Variants in GPATCH2 observed in about 807,000 individuals in gnomAD.
GPATCH2 encodes G patch domain-containing protein 2.
GPATCH2 carries 51 observed loss-of-function variants against 58.0 expected under a neutral mutation model. The observed-to-expected ratio is 0.88, with a 90% confidence interval of 0.70 to 1.11. GPATCH2 has a LOEUF of 1.11. GPATCH2 is among the 50% of genes most tolerant of loss of function. GPATCH2 has a pLI of 0.00. For synonymous variants in GPATCH2, 222 were observed against 218.5 expected (o/e 1.02, Z -0.14); for missense variants, 625 against 652.2 (o/e 0.96, Z 0.45).
intron 3 of GPATCH2, among the ~76,000 whole-genome samples, chr1:217,612,165 G>T (rs1278320043): frequency 3.3e-5 from 5 of 151,764 alleles, no homozygotes; most frequent in Admixed American, 2.6e-4. Flanking sequence ...TGGACCACAG[G>T]GCGAGACCTT....
intron 8 of GPATCH2, among the ~76,000 whole-genome samples, chr1:217,453,670 C>A (rs1303480022): frequency 6.6e-6 from 1 of 152,022 alleles, no homozygotes; most frequent in Non-Finnish European, 1.5e-5. Flanking sequence ...AAAACAACAA[C>A]CCAATAAACT....
At chr1:217,601,498 C>T (rs1164139572) in intron 5 of GPATCH2, among the ~76,000 whole-genome samples, 19 of 151,444 alleles carry the variant, frequency 1.3e-4, no homozygotes, top group African/African-American at 3.9e-4. Flanking sequence ...TTTTGCTATT[C>T]GCAGGCCTAT....
chr1:217,541,408 A>C (rs1664734400), intron 5 of GPATCH2, among the ~76,000 whole-genome samples: 1 of 152,242 alleles, frequency 6.6e-6, no homozygotes, highest in Non-Finnish European at 1.5e-5. Context: ...TCCTAAGAAA[A>C]ATCAGCAATG....
chr1:217,485,639 A>T (rs1661421326), intron 8 of GPATCH2, among the ~76,000 whole-genome samples: 1 of 152,112 alleles, frequency 6.6e-6, no homozygotes, highest in African/African-American at 2.4e-5. Context: ...ATCTTCATAT[A>T]AATGTAGTCA....
At position 217,611,039 on chromosome 1, in the gene GPATCH2, T is replaced by C; in HGVS notation, c.868A>G (p.Lys290Glu). The C allele has an allele frequency of 6.2e-7, 1 of 1,613,596 alleles. No individual in the cohort carries two copies. The highest frequency in any genetic ancestry group is 8.5e-7 in the Non-Finnish European group (1 of 1,179,774). ...DDEQSDWFYE[K>E]ESGGACGITG... ...ATACCACATGCTCCACCTGATTCCTTTTCGTAGAACCAGTCACTCTGTTCA... is the reference window on the plus strand; with the variant it reads ...ATACCACATGCTCCACCTGATTCCTCTTCGTAGAACCAGTCACTCTGTTCA... Residue 290 changes from lysine to glutamate, a missense_variant, in exon 4 of 10, where the codon AAG (lysine) becomes GAG (glutamate). Coordinates refer to ENST00000366935, the MANE Select transcript of GPATCH2 (RefSeq NM_018040.5).
At chr1:217,466,746 C>T (rs116835082) in intron 8 of GPATCH2, among the ~76,000 whole-genome samples, 2,727 of 151,960 alleles carry the variant, frequency 0.018, 86 homozygotes, top group African/African-American at 0.061. Context: ...AAAAAGCCTT[C>T]TTCAAAGTCC....
intron 5 of GPATCH2, among the ~76,000 whole-genome samples, chr1:217,568,051 A>G (rs1666342312): frequency 6.6e-6 from 1 of 152,184 alleles, no homozygotes; most frequent in Non-Finnish European, 1.5e-5. Context: ...CAGGAGGCGG[A>G]GCTTGCAGTG....
chr1:217,553,771 G>T (rs1429089742), intron 5 of GPATCH2, among the ~76,000 whole-genome samples: 1 of 152,112 alleles, frequency 6.6e-6, no homozygotes, highest in Non-Finnish European at 1.5e-5. Flanking sequence ...GAAATCATTT[G>T]TCAACAATGG....
chr1:217,603,361 A>T (rs968521744), intron 5 of GPATCH2, among the ~76,000 whole-genome samples: 1 of 152,206 alleles, frequency 6.6e-6, no homozygotes, highest in Non-Finnish European at 1.5e-5. Context: ...TCAAGACTAA[A>T]TATGGAGAAT....
intron 6 of GPATCH2, among the ~76,000 whole-genome samples, chr1:217,505,605 C>T (rs1458780083): frequency 6.6e-6 from 1 of 152,020 alleles, no homozygotes; most frequent in Non-Finnish European, 1.5e-5. Context: ...TAACTGAGGT[C>T]TCCTAAAAAT....
chr1:217,584,330 T>TAAAAA (rs1168175978), intron 5 of GPATCH2, among the ~76,000 whole-genome samples: 60 of 89,664 alleles, frequency 6.7e-4, no homozygotes, highest in African/African-American at 2.1e-3. Flanking sequence ...TCACCTCTAC[T>TAAAAA]AAAAAAAAAA....
intron 5 of GPATCH2, among the ~76,000 whole-genome samples, chr1:217,535,752 T>G (rs928081092): frequency 6.6e-6 from 1 of 151,780 alleles, no homozygotes. Flanking sequence ...GTTGAATGAA[T>G]AGACAACTGA....
intron 5 of GPATCH2, among the ~76,000 whole-genome samples, chr1:217,541,086 T>A (rs989876189): frequency 6.6e-6 from 1 of 152,196 alleles, no homozygotes; most frequent in African/African-American, 2.4e-5. Context: ...AATATATTCA[T>A]CTATAGCTTC....
At chr1:217,509,658 T>C (rs1370889344) in intron 6 of GPATCH2, among the ~76,000 whole-genome samples, 1 of 152,170 alleles carries the variant, frequency 6.6e-6, no homozygotes, top group Non-Finnish European at 1.5e-5. Flanking sequence ...AAGTATTCAG[T>C]TGGTGCCTTC....
chr1:217,593,559 T>C (rs765935247), intron 5 of GPATCH2, among the ~76,000 whole-genome samples: 1 of 152,098 alleles, frequency 6.6e-6, no homozygotes, highest in Non-Finnish European at 1.5e-5. Context: ...TGTACCACTC[T>C]TCCTAAATCC....
At chr1:217,452,540 TA>T (rs984125434) in intron 8 of GPATCH2, among the ~76,000 whole-genome samples, 2 of 152,208 alleles carry the variant, frequency 1.3e-5, no homozygotes, top group African/African-American at 2.4e-5. Context: ...TCTAATTGCT[TA>T]AAAATAACTC....
chr1:217,480,391 G>T (rs1197301679), intron 8 of GPATCH2, among the ~76,000 whole-genome samples: 3 of 152,116 alleles, frequency 2.0e-5, no homozygotes, highest in Non-Finnish European at 4.4e-5. Context: ...CATATGAAAT[G>T]GTGCCCAACA....
intron 5 of GPATCH2, among the ~76,000 whole-genome samples, chr1:217,553,696 A>C (rs183741310): frequency 6.6e-6 from 1 of 152,348 alleles, no homozygotes; most frequent in Non-Finnish European, 1.5e-5. Context: ...TTCAACACAA[A>C]AGCCTCACAT....
intron 9 of GPATCH2, among the ~76,000 whole-genome samples, chr1:217,442,905 G>GA (rs1182872726): frequency 1.3e-5 from 2 of 151,866 alleles, no homozygotes; most frequent in Non-Finnish European, 2.9e-5. Context: ...CTTTTTCTGT[G>GA]AATTTTTATT....
Sources: allele counts gnomAD v4.1 joint callset (sites outside exome capture counted in the v4.1 genomes callset), GRCh38; gene constraint gnomAD v4.1.1; transcripts MANE v1.5; gene names NCBI Gene and HGNC (gene_info 2026-07-23, HGNC 2026-07-21).